Variants in PON3 observed in about 807,000 individuals in gnomAD.
PON3 encodes the protein serum paraoxonase/lactonase 3.
PON3 carries 37 observed loss-of-function variants against 36.3 expected under a neutral mutation model. The observed-to-expected ratio is 1.02, with a 90% CI of 0.78 to 1.34. PON3 has a LOEUF of 1.34. Among genes scored for constraint, PON3 ranks in the 40% most tolerant of loss-of-function variants. PON3 has a pLI of 0.00. For missense variants in PON3, 415 were observed against 426.5 expected, an observed-to-expected ratio of 0.97 and a Z score of 0.24; for synonymous variants, 155 against 154.8, an observed-to-expected ratio of 1.00 and a Z score of -0.01.
At chr7:95,374,692 T>C (rs766857652) in intron 3 of PON3, among the ~76,000 whole-genome samples, 2 of 152,176 alleles carry the variant, frequency 1.3e-5, no homozygotes, top group Non-Finnish European at 2.9e-5. Flanking sequence ...ATAAAGATCA[T>C]ATAAATGGTC....
intron 6 of PON3, chr7:95,363,563 C>A: frequency 2.4e-6 from 1 of 414,948 alleles, no homozygotes; most frequent in South Asian, 2.2e-5. Context: ...AGGGGTATTG[C>A]TCATTTATCT....
At chr7:95,377,595 T>C in intron 3 of PON3, 1 of 428,354 alleles carries the variant, frequency 2.3e-6, no homozygotes, top group Non-Finnish European at 4.7e-6. Context: ...CAGCAATATT[T>C]GCCGTTCTGC....
chr7:95,375,192 G>A (rs1011476632), intron 3 of PON3, among the ~76,000 whole-genome samples: 131 of 151,574 alleles, frequency 8.6e-4, no homozygotes, highest in African/African-American at 3.0e-3. Context: ...TTGTCACCAA[G>A]CTCAATGGCT....
intron 3 of PON3, among the ~76,000 whole-genome samples, chr7:95,384,997 T>C (rs1184016954): frequency 2.0e-5 from 3 of 152,148 alleles, no homozygotes; most frequent in Admixed American, 2.0e-4. Flanking sequence ...ATGTGGCACA[T>C]ATACACCATG....
At position 95,367,220 on chromosome 7, in the gene PON3, C is replaced by T. The variant is rs1051898632; in HGVS notation, c.494+142G>A. ...CTAGTGAGGCGCTGGGAAGAGTCAC[C>T]ATGGGAATCATTAGAAAGCTTTAGA... On this transcript the variant is annotated intron_variant, in intron 5 of 8. Transcript: ENST00000265627. 4 of 1,014,684 alleles carry T rather than the reference C, an allele frequency of 3.9e-6. No individual in the cohort carries two copies. The African/African-American group carries it at 6.5e-5, about 16-fold the overall frequency. 62.9% of individuals were successfully genotyped at this position (1,014,684 alleles called of 1,614,324 possible).
At chr7:95,393,681 A>G (rs903949612) in intron 2 of PON3, among the ~76,000 whole-genome samples, 5 of 152,140 alleles carry the variant, frequency 3.3e-5, no homozygotes, top group African/African-American at 1.2e-4. Flanking sequence ...GGTACCATAC[A>G]TAGGAAAAGT....
intron 6 of PON3, 37 bp from the exon 7 acceptor site, chr7:95,362,878 T>C: frequency 7.0e-7 from 1 of 1,438,214 alleles, no homozygotes; most frequent in South Asian, 1.1e-5. Context: ...AAGCAAGTGG[T>C]AATGAGAGAC....
At chr7:95,364,289 T>C (rs1258437296) in intron 5 of PON3, 2 of 567,684 alleles carry the variant, frequency 3.5e-6, no homozygotes, top group Non-Finnish European at 6.3e-6. Context: ...TTCACAGAAA[T>C]CAGTGAAAAG....
intron 4 of PON3, 114 bp downstream of exon 4, chr7:95,372,059 C>A (rs1808819587): frequency 2.4e-6 from 3 of 1,256,458 alleles, no homozygotes; most frequent in Middle Eastern, 2.3e-4. Context: ...AAAAACACAT[C>A]TGTATGGTAA....
intron 3 of PON3, among the ~76,000 whole-genome samples, chr7:95,379,279 A>T (rs2116402151): frequency 6.6e-6 from 1 of 152,372 alleles, no homozygotes; most frequent in Admixed American, 6.5e-5. Flanking sequence ...AGCATGAGCG[A>T]CACAGAAGAC....
In PON3 at chr7:95,362,881, TGA is replaced by T. The variant is rs778046631; in HGVS notation, c.696-42_696-41del. On this transcript the variant is annotated intron_variant, in intron 6 of 8. Coordinates refer to ENST00000265627, the MANE Select transcript of PON3 (RefSeq NM_000940.3). ...ACATTTACACTTAAGCAAGTGGTAA[TGA>T]GAGACAACACTCACTTTTATTTTGG... 4.9e-6 allele frequency: 7 copies of T among 1,420,760 alleles called. No individual in the cohort carries two copies. The Admixed American group carries it at 1.2e-4, about 24-fold the overall frequency. The allele number at this position is 1,420,760 out of a possible 1,614,324, so 88.0% of individuals were successfully genotyped here.
chr7:95,376,559 T>C (rs918128503), intron 3 of PON3, among the ~76,000 whole-genome samples: 1 of 152,110 alleles, frequency 6.6e-6, no homozygotes, highest in African/African-American at 2.4e-5. Context: ...AACTTCATGT[T>C]AACATTTCTC....
intron 3 of PON3, among the ~76,000 whole-genome samples, chr7:95,385,927 G>A (rs1465595466): frequency 6.6e-6 from 1 of 152,000 alleles, no homozygotes; most frequent in Non-Finnish European, 1.5e-5. Context: ...TGTGTAGAGG[G>A]GAATTTATAG....
At chr7:95,376,222 C>A (rs17880289) in intron 3 of PON3, among the ~76,000 whole-genome samples, 4,247 of 152,242 alleles carry the variant, frequency 0.028, 113 homozygotes, top group African/African-American at 0.068. Flanking sequence ...CACAATGAAC[C>A]CTCACAAAGA....
At chr7:95,365,197 C>A (rs1318453765) in intron 5 of PON3, 1 of 152,314 alleles carries the variant, frequency 6.6e-6, no homozygotes, top group African/African-American at 2.4e-5. Flanking sequence ...TCAGGCTCCT[C>A]TTTAGATCCT....
chr7:95,385,694 AAGAAC>A (rs1293578616), intron 3 of PON3, among the ~76,000 whole-genome samples: 2 of 152,214 alleles, frequency 1.3e-5, no homozygotes, highest in Non-Finnish European at 2.9e-5. Flanking sequence ...GCAAATGCAA[AAGAAC>A]AGAAATCACA....
At chr7:95,367,960 C>T (rs1405673554) in intron 4 of PON3, among the ~76,000 whole-genome samples, 2 of 152,146 alleles carry the variant, frequency 1.3e-5, no homozygotes, top group African/African-American at 4.8e-5. Flanking sequence ...AAATAAGCAA[C>T]ATTTCCCAGC....
At chr7:95,361,306 T>C (rs1808565042) in intron 8 of PON3, among the ~76,000 whole-genome samples, 1 of 152,190 alleles carries the variant, frequency 6.6e-6, no homozygotes, top group Admixed American at 6.5e-5. Context: ...ACAGCAATAC[T>C]GGAAGTAGAA....
chr7:95,393,802 A>C (rs1013564372), intron 2 of PON3, among the ~76,000 whole-genome samples: 1 of 152,150 alleles, frequency 6.6e-6, no homozygotes, highest in African/African-American at 2.4e-5. Flanking sequence ...TAACTGACTA[A>C]AAAAGAAGGG....
Sources: allele counts gnomAD v4.1 joint callset (sites outside exome capture counted in the v4.1 genomes callset), GRCh38; gene constraint gnomAD v4.1.1; transcripts MANE v1.5; gene names NCBI Gene and HGNC (gene_info 2026-07-23, HGNC 2026-07-21).